The following SRRT variants were observed in gnomAD, a reference collection of about 807,000 sequenced individuals.
SRRT encodes serrate, RNA effector molecule, also known as serrate RNA effector molecule homolog.
A neutral mutation model predicts 103.2 loss-of-function variants in SRRT; 32 were observed. The observed-to-expected ratio is 0.31, with a 90% CI of 0.23 to 0.42. The LOEUF is 0.42. Among genes scored for constraint, SRRT ranks in the 10% least tolerant of loss-of-function variants. The pLI, the probability that SRRT is intolerant of heterozygous loss-of-function variation, is 1.00. For synonymous variants in SRRT, 525 were observed against 449.0 expected (o/e 1.17, Z -2.14); for missense variants, 986 against 1,207.5 (o/e 0.82, Z 2.72).
chr7:100,880,413 C>T lies in SRRT; in HGVS notation c.123-872C>T, dbSNP rs945890697. Among the ~76,000 whole-genome samples the T allele has an allele frequency of 2.0e-5, 3 of 152,320 alleles. No homozygotes were observed. The East Asian group carries it at 5.8e-4, about 29-fold the overall frequency. Reference sequence around the variant, plus strand: ...CGCCTCCCGGGTCCACGCCATTCTCCTGCCTCAGCCTCCCGAGTAGCTGGG... The same window carrying T: ...CGCCTCCCGGGTCCACGCCATTCTCTTGCCTCAGCCTCCCGAGTAGCTGGG... On this transcript the variant is annotated intron_variant, in intron 2 of 19. Transcript: ENST00000611405.
In SRRT at chr7:100,881,311, G is replaced by A. The variant is rs1816297192; in HGVS notation, c.149G>A (p.Arg50His). The A allele has an allele frequency of 6.2e-7, 1 of 1,613,312 alleles. No individual in the cohort carries two copies. Among genetic ancestry groups the A allele is most frequent in the Non-Finnish European group, 8.5e-7 (1 of 1,179,510 alleles). Reference sequence around the variant, plus strand: ...GAGTGGGACCGTGGCCGTGAGCGCCGTAGTCGGGGTGAATATCGGGACTAT... The same window carrying A: ...GAGTGGGACCGTGGCCGTGAGCGCCATAGTCGGGGTGAATATCGGGACTAT... ...DREWDRGRERRSRGEYRDYDR... is the reference protein window; with the variant it reads ...DREWDRGRERHSRGEYRDYDR... The change falls in exon 3 of 20, where the codon CGT becomes CAT. Residue 50 changes from arginine to histidine, a missense_variant. Arg to His is a conservative substitution (Grantham distance 29, BLOSUM62 0). Transcript: ENST00000611405.
intron 2 of SRRT, among the ~76,000 whole-genome samples, chr7:100,880,459 C>T (rs1320930645): frequency 2.0e-5 from 3 of 152,136 alleles, no homozygotes; most frequent in Admixed American, 6.5e-5. Flanking sequence ...GCTGCCACCA[C>T]GCCTGGCTAA....
rs954056235 is a variant in SRRT, at chr7:100,885,979, G to T, written c.1458+38G>T. 1 of 1,602,852 alleles carries T rather than the reference G, an allele frequency of 6.2e-7. No individual in the cohort carries two copies. Among genetic ancestry groups the T allele is most frequent in the Admixed American group, 1.7e-5 (1 of 59,992 alleles). On this transcript the variant is annotated intron_variant, in intron 12 of 19. Transcript: ENST00000611405. The surrounding 1 kb of genome is among the most constrained non-coding windows in gnomAD (Gnocchi z 4.8). ...GGTGGGACTGTGGGGAAGAGGAAGG[G>T]AGACTCTGTGCCACACGGGACCTCT...
chr7:100,880,205 G>A (rs1245023409), intron 2 of SRRT, among the ~76,000 whole-genome samples: 11 of 152,222 alleles, frequency 7.2e-5, no homozygotes, highest in African/African-American at 2.7e-4. Context: ...AATGACAGCT[G>A]GCGAGAGATG....
In SRRT at chr7:100,887,103, C is replaced by T. The variant is rs751353837; in HGVS notation, c.1878C>T (p.Asn626=). 5.6e-6 allele frequency: 9 copies of T among 1,614,216 alleles called. No homozygotes were observed. In the South Asian group the frequency reaches 6.6e-5, roughly 12 times the overall value. ...LRIVHSLDYY[N]TCEYPNEDEM... ...TCGTGCATTCCTTGGATTATTACAA[C>T]ACCTGTGAGTACCCCAACGAGGACG... The change falls in exon 15 of 20, where the codon AAC becomes AAT. Residue 626 remains asparagine (N), a synonymous_variant. Coordinates refer to ENST00000611405, the MANE Select transcript of SRRT (RefSeq NM_015908.6). This position sits in a 1 kb window ranked among gnomAD's most constrained non-coding sequence, Gnocchi z 4.1.
Position 100,888,376 on chromosome 7 carries a change from C to T in SRRT, c.2548C>T (p.Arg850Cys), listed in dbSNP as rs139519950. ...RGQGGYPGKPRNRMVRGDPRA... is the reference protein window; with the variant it reads ...RGQGGYPGKPCNRMVRGDPRA... ...CCAGGGAGGTTATCCTGGGAAACCT[C>T]GCAACAGGTGAGGAGGGCAGACGCC... is the stretch of plus-strand genomic sequence containing the variant. Residue 850 changes from arginine (R) to cysteine (C), a missense_variant, in exon 19 of 20, where the codon CGC (arginine) becomes TGC (cysteine). By Grantham distance (180) the Arg-to-Cys change is radical (BLOSUM62 -3). Coordinates refer to ENST00000611405, the MANE Select transcript of SRRT (RefSeq NM_015908.6). The T allele has an allele frequency of 5.0e-6, 8 of 1,613,868 alleles. No homozygotes were observed. Among genetic ancestry groups the T allele is most frequent in the East Asian group, 2.2e-5 (1 of 44,888 alleles).
chr7:100,888,136 C>T lies in SRRT; in HGVS notation c.2421C>T (p.Gly807=). 1.2e-6 allele frequency: 2 copies of T among 1,610,534 alleles called. No individual in the cohort carries two copies. The highest frequency in any genetic ancestry group is 8.5e-7 in the Non-Finnish European group (1 of 1,178,270). Residue 807 remains glycine, a synonymous_variant, in exon 18 of 20, where the codon GGC becomes GGT. Coordinates refer to ENST00000611405, the MANE Select transcript of SRRT (RefSeq NM_015908.6). ...PYGQPRPPIL[G]YGAGAVRPAV... ...GTCAGCCCCGGCCCCCGATCTTGGG[C>T]TATGGAGGTAAGTACAGGAGGGAGA...
Position 100,886,824 on chromosome 7 carries a change from G to A in SRRT, c.1677G>A (p.Lys559=), listed in dbSNP as rs977500348. Residue 559 remains lysine (K), a synonymous_variant, in exon 14 of 20, where the codon AAG becomes AAA. Transcript: ENST00000611405. ...TGCCCTCGCAAAACCCGATCTTGAA[G>A]AATATCACCGACTACCTGATCGAGG... ...TSLPSQNPIL[K]NITDYLIEEV... 17 of 1,614,060 alleles carry A rather than the reference G, an allele frequency of 1.1e-5. No individual in the cohort carries two copies. The African/African-American group carries it at 1.6e-4, about 15-fold the overall frequency.
chr7:100,887,260 GC>G lies in SRRT; in HGVS notation c.1976-58del, dbSNP rs1248548165. On this transcript the variant is annotated intron_variant, in intron 15 of 19. Coordinates refer to ENST00000611405, the MANE Select transcript of SRRT (RefSeq NM_015908.6). The surrounding 1 kb of genome is among the most constrained non-coding windows in gnomAD (Gnocchi z 4.1). ...CCTGGCCTTGGTCCTCCAGCCCCTT[GC>G]CACCATCCTTCCTTCTGGCTCCCTT... 4.3e-6 allele frequency: 7 copies of G among 1,610,712 alleles called. No individual in the cohort carries two copies. In the African/African-American group the frequency reaches 9.4e-5, roughly 22 times the overall value.
chr7:100,884,595 G>A (rs1789903831), intron 7 of SRRT, 43 bp downstream of exon 7: 8 of 1,410,720 alleles, frequency 5.7e-6, no homozygotes, highest in African/African-American at 4.4e-5. Flanking sequence ...GGCAGCCTGG[G>A]GGAGGGGGGC....
Position 100,888,639 on chromosome 7 carries a change from C to T in SRRT, c.*90C>T, listed in dbSNP as rs754799074. ...AGAATTTTTTGTACGATCAGCCTTA[C>T]TGCTAATAAAAGCACTTCCACAGGG... On this transcript the variant is annotated 3_prime_UTR_variant, in exon 20 of 20. Transcript: ENST00000611405. 5.2e-6 allele frequency: 8 copies of T among 1,551,166 alleles called. No homozygotes were observed. Among genetic ancestry groups the T allele is most frequent in the Non-Finnish European group, 7.1e-6 (8 of 1,124,454 alleles).
Position 100,887,789 on chromosome 7 carries a change from C to T in SRRT, c.2256C>T (p.Asn752=). The change falls in exon 17 of 20, where the codon AAC becomes AAT. Residue 752 remains asparagine, a synonymous_variant. Transcript: ENST00000611405. The surrounding 1 kb of genome is among the most constrained non-coding windows in gnomAD (Gnocchi z 4.1). ...EVKKEVAFFN[N]FLTDAKRPAL... ...AAAAGGAAGTCGCGTTTTTTAACAACTTCCTCACTGATGCTAAGCGCCCAG... is the reference window on the plus strand; with the variant it reads ...AAAAGGAAGTCGCGTTTTTTAACAATTTCCTCACTGATGCTAAGCGCCCAG... 16 of 1,613,618 alleles carry T rather than the reference C, an allele frequency of 9.9e-6. No individual in the cohort carries two copies. Among genetic ancestry groups the T allele is most frequent in the Non-Finnish European group, 1.3e-5 (15 of 1,179,564 alleles).
intron 4 of SRRT, 114 bp downstream of exon 4, chr7:100,881,919 G>T: frequency 6.8e-7 from 1 of 1,475,076 alleles, no homozygotes. Context: ...ATGTCCCTGG[G>T]GTAGGGGTGG....
chr7:100,875,338 G>A lies in SRRT; in HGVS notation c.-19+10G>A. 1 of 1,242,418 alleles carries A rather than the reference G, an allele frequency of 8.0e-7. No homozygotes were observed. The highest frequency in any genetic ancestry group is 1.0e-6 in the Non-Finnish European group (1 of 973,014). The allele number at this position is 1,242,418 out of a possible 1,614,324, so 77.0% of individuals were successfully genotyped here. On this transcript the variant is annotated intron_variant, in intron 1 of 19. Transcript: ENST00000611405. ...CCGCGGCCGCACCAAGGTGGGGGAG[G>A]GGAGGAGCCTGGGGGGCCCCGCTGG...
At chr7:100,877,455 A>G (rs141183386) in intron 2 of SRRT, among the ~76,000 whole-genome samples, 134 of 151,032 alleles carry the variant, frequency 8.9e-4, no homozygotes, top group African/African-American at 2.7e-3. Flanking sequence ...ACTTCCATCA[A>G]TGATTCTTGA....
At chr7:100,878,205 C>T (rs563073781) in intron 2 of SRRT, among the ~76,000 whole-genome samples, 14 of 151,668 alleles carry the variant, frequency 9.2e-5, no homozygotes, top group East Asian at 1.9e-4. Flanking sequence ...CCGGCAACTC[C>T]GGAGGCTGAG....
intron 2 of SRRT, among the ~76,000 whole-genome samples, chr7:100,881,031 A>C (rs1816257476): frequency 6.6e-6 from 1 of 151,530 alleles, no homozygotes; most frequent in African/African-American, 2.4e-5. Context: ...CTGGTATCTC[A>C]GGGTGTAAGA....
intron 1 of SRRT, 71 bp from the exon 2 acceptor site, chr7:100,875,502 G>A (rs1459204328): frequency 2.5e-6 from 4 of 1,585,618 alleles, no homozygotes; most frequent in South Asian, 1.1e-5. Context: ...CGGGCGAGCT[G>A]CCCGCGAGGG....
At chr7:100,876,901 T>C (rs893580743) in intron 2 of SRRT, among the ~76,000 whole-genome samples, 1 of 152,150 alleles carries the variant, frequency 6.6e-6, no homozygotes, top group Non-Finnish European at 1.5e-5. Flanking sequence ...ACGAGTGACA[T>C]GAACAGCTTG....
Sources: allele counts gnomAD v4.1 joint callset (sites outside exome capture counted in the v4.1 genomes callset), GRCh38; gene constraint gnomAD v4.1.1; non-coding constraint Gnocchi (gnomAD v3.1); transcripts MANE v1.5; gene names NCBI Gene and HGNC (gene_info 2026-07-23, HGNC 2026-07-21).